The following SERPINB12 variants were observed in gnomAD, a reference collection of about 807,000 sequenced individuals.
The protein encoded by SERPINB12 is serpin B12.
Under a neutral mutation model 41.1 loss-of-function variants are expected in SERPINB12, and 57 were observed. The observed-to-expected ratio is 1.39, with a 90% CI of 1.12 to 1.73. The LOEUF is 1.73. SERPINB12 is among the 40% of genes most tolerant of loss of function. SERPINB12 has a pLI of 0.00. For synonymous variants in SERPINB12, 180 were observed against 181.3 expected (o/e 0.99, Z 0.06); for missense variants, 536 against 501.9 (o/e 1.07, Z -0.65).
chr18:63,565,499 T>A lies in SERPINB12; in HGVS notation c.760T>A (p.Phe254Ile), dbSNP rs1418088607. 3.1e-6 allele frequency: 5 copies of A among 1,614,002 alleles called. No individual in the cohort carries two copies. In the Admixed American group the frequency reaches 8.3e-5, roughly 27 times the overall value. Residue 254 changes from phenylalanine to isoleucine, a missense_variant, in exon 7 of 8, where the codon TTC becomes ATC. Coordinates refer to ENST00000382768, the MANE Select transcript of SERPINB12 (RefSeq NM_001307928.2). ...MTQKGLYRIG[F>I]IEEVKAQILE... is the part of the protein sequence containing the mutation. ...GCAAAAAGGCCTCTACAGAATTGGC[T>A]TCATAGAGGAGGTGAAGGCACAGAT...
At chr18:63,534,606 CT>C in the SERPINB12 span, among the ~76,000 whole-genome samples, 12 of 152,080 alleles carry the variant, frequency 7.9e-5, no homozygotes, top group South Asian at 2.1e-3. Flanking sequence ...AATTCACAAA[CT>C]TTTTTTTCTT....
chr18:63,548,003 A>C (rs1910429126), intron 1 of SERPINB12, among the ~76,000 whole-genome samples: 1 of 152,176 alleles, frequency 6.6e-6, no homozygotes, highest in Admixed American at 6.5e-5. Flanking sequence ...GGATGAATTA[A>C]AAACACTGAA....
At chr18:63,537,955 A>G (rs560070280), upstream of SERPINB12, among the ~76,000 whole-genome samples, 2 of 152,250 alleles carry the variant, frequency 1.3e-5, no homozygotes, top group South Asian at 2.1e-4. Flanking sequence ...CTTTTCTAAT[A>G]TATAGGAGAA....
chr18:63,549,275 A>G (rs1336653876), intron 1 of SERPINB12, among the ~76,000 whole-genome samples: 1 of 152,172 alleles, frequency 6.6e-6, no homozygotes, highest in East Asian at 1.9e-4. Flanking sequence ...AAAATTCCTC[A>G]TTACTATTAT....
intron 5 of SERPINB12, 135 bp from the exon 6 acceptor site, chr18:63,563,843 C>A: frequency 1.4e-6 from 1 of 726,306 alleles, no homozygotes; most frequent in Non-Finnish European, 2.1e-6. Flanking sequence ...TTGCAGTGAG[C>A]AGGGATCACG....
rs994982349 is a variant in SERPINB12 at position 63,559,621 on chromosome 18, T to C, written c.347T>C (p.Phe116Ser). Residue 116 changes from phenylalanine to serine, a missense_variant, in exon 4 of 8, where the codon TTT becomes TCT. Coordinates refer to ENST00000382768, the MANE Select transcript of SERPINB12 (RefSeq NM_001307928.2). ...NNESGLVSCY[F>S]GQLLSKLDRI... Reference sequence around the variant, plus strand: ...GAGAGCGGACTGGTCAGCTGCTACTTTGGGCAGCTTCTCTCCAAATTAGAC... The same window carrying C: ...GAGAGCGGACTGGTCAGCTGCTACTCTGGGCAGCTTCTCTCCAAATTAGAC... 1 of 1,614,002 alleles carries C rather than the reference T, an allele frequency of 6.2e-7. No individual in the cohort carries two copies. The highest frequency in any genetic ancestry group is 8.5e-7 in the Non-Finnish European group (1 of 1,179,972).
At chr18:63,528,392 C>CACTAAATAAATA in the SERPINB12 span, among the ~76,000 whole-genome samples, 1 of 144,882 alleles carries the variant, frequency 6.9e-6, no homozygotes, top group Admixed American at 6.9e-5. Context: ...TCTCTGAGAG[C>CACTAAATAAATA]AATAAATAAA....
intron 5 of SERPINB12, 60 bp from the exon 6 acceptor site, chr18:63,563,918 T>C (rs1692106693): frequency 2.2e-6 from 3 of 1,361,164 alleles, no homozygotes; most frequent in Non-Finnish European, 2.0e-6. Context: ...AAAAAAATTA[T>C]CTACACAAAT....
In SERPINB12 at chr18:63,558,558, G is replaced by A. The variant is rs1300083844; in HGVS notation, c.303+72G>A. 7 of 1,492,268 alleles carry A rather than the reference G, an allele frequency of 4.7e-6. 1 individual carries two copies. The African/African-American group carries it at 9.9e-5, about 21-fold the overall frequency. 92.4% of individuals were successfully genotyped at this position (1,492,268 alleles called of 1,614,324 possible). A position where few individuals can be genotyped will look rare whatever the true frequency, so the allele number is the denominator to read the frequency against. On this transcript the variant is annotated intron_variant, in intron 3 of 7. Transcript: ENST00000382768. ...GCTTATTCTGGCTGTAGGATATTTGGTGATAGTTGCTTATCCCCAAATATT... is the reference window on the plus strand; with the variant it reads ...GCTTATTCTGGCTGTAGGATATTTGATGATAGTTGCTTATCCCCAAATATT...
chr18:63,525,217 A>T, the SERPINB12 span, among the ~76,000 whole-genome samples: 4 of 152,078 alleles, frequency 2.6e-5, no homozygotes, highest in Non-Finnish European at 5.9e-5. Flanking sequence ...ATCACCTCTG[A>T]TTTAGACAAT....
chr18:63,553,368 G>GT (rs908261567), intron 1 of SERPINB12, among the ~76,000 whole-genome samples: 10 of 152,012 alleles, frequency 6.6e-5, no homozygotes, highest in Admixed American at 2.0e-4. Context: ...TTTGGCCTCA[G>GT]TTTTTTTTAT....
the SERPINB12 span, among the ~76,000 whole-genome samples, chr18:63,531,692 T>C: frequency 5.9e-5 from 9 of 152,216 alleles, no homozygotes; most frequent in South Asian, 1.0e-3. Flanking sequence ...TTTTCCATTC[T>C]CCTAAATTAA....
In SERPINB12 at chr18:63,551,453, G is replaced by A. The variant is rs1005102155; in HGVS notation, c.-18-4689G>A. On this transcript the variant is annotated intron_variant, in intron 1 of 7. Coordinates refer to ENST00000382768, the MANE Select transcript of SERPINB12 (RefSeq NM_001307928.2). ...CGATTCTCCTGCCTCAGCCCCTCAA[G>A]TAGCTGGGATTACAGGTGCATGCCA... Among the ~76,000 whole-genome samples the A allele has an allele frequency of 3.3e-5, 5 of 151,894 alleles. No individual in the cohort carries two copies. In the East Asian group the frequency reaches 9.8e-4, roughly 30 times the overall value.
chr18:63,530,738 ATTTATAG>A, the SERPINB12 span, among the ~76,000 whole-genome samples: 1 of 152,178 alleles, frequency 6.6e-6, no homozygotes, highest in African/African-American at 2.4e-5. Context: ...TCCTTCAAGG[ATTTATAG>A]GTGATAAGTA....
chr18:63,533,230 C>A, the SERPINB12 span, among the ~76,000 whole-genome samples: 30 of 152,176 alleles, frequency 2.0e-4, no homozygotes, highest in African/African-American at 7.2e-4. Flanking sequence ...CCCACCTTGG[C>A]CTCCCAAAAT....
the SERPINB12 span, among the ~76,000 whole-genome samples, chr18:63,530,668 G>A: frequency 3.4e-4 from 52 of 152,308 alleles, no homozygotes; most frequent in African/African-American, 1.2e-3. Context: ...TAATCAGGCC[G>A]TGAGTACTTA....
At chr18:63,538,992 T>C (rs536714186), upstream of SERPINB12, among the ~76,000 whole-genome samples, 115 of 152,328 alleles carry the variant, frequency 7.5e-4, 2 homozygotes, top group Middle Eastern at 3.4e-3. Flanking sequence ...CTCATGCCTG[T>C]AGTGAATTCT....
At chr18:63,523,658 C>T in the SERPINB12 span, among the ~76,000 whole-genome samples, 1 of 152,058 alleles carries the variant, frequency 6.6e-6, no homozygotes, top group Non-Finnish European at 1.5e-5. Flanking sequence ...TCAAGAAAAG[C>T]CAAGAGTACA....
At chr18:63,561,231 G>A (rs200557749) in intron 5 of SERPINB12, 29 bp downstream of exon 5, 13 of 1,378,042 alleles carry the variant, frequency 9.4e-6, no homozygotes, top group African/African-American at 2.9e-5. Context: ...ACGGGAGCTG[G>A]TATTGGTTTC....
Sources: gnomAD v4.1 joint callset for allele counts (sites outside exome capture counted in the v4.1 genomes callset) on GRCh38, gnomAD v4.1.1 for gene constraint, MANE v1.5 for transcripts, NCBI Gene and HGNC (gene_info 2026-07-23, HGNC 2026-07-21) for gene names.